The following CFAP97 variants were observed in gnomAD, a reference collection of about 807,000 sequenced individuals.
CFAP97 encodes cilia and flagella associated protein 97.
Under a neutral mutation model 43.1 loss-of-function variants are expected in CFAP97, and 36 were observed. The observed-to-expected ratio is 0.84, with a 90% CI of 0.64 to 1.10. The LOEUF is 1.10. Ranked by LOEUF, CFAP97 falls within the 50% of genes least tolerant of loss-of-function variation. The pLI, the probability that CFAP97 is intolerant of heterozygous loss-of-function variation, is 0.00. For missense variants in CFAP97, 657 were observed against 620.3 expected, an observed-to-expected ratio of 1.06 and a Z score of -0.63; for synonymous variants, 228 against 225.7, an observed-to-expected ratio of 1.01 and a Z score of -0.09.
chr4:185,203,406 C>A (rs562376641), intron 1 of CFAP97, among the ~76,000 whole-genome samples: 1 of 152,298 alleles, frequency 6.6e-6, no homozygotes, highest in South Asian at 2.1e-4. Context: ...TGTAGTTAAA[C>A]AGCACAGTAG....
intron 1 of CFAP97, among the ~76,000 whole-genome samples, chr4:185,203,319 C>T (rs957846163): frequency 2.0e-5 from 3 of 152,230 alleles, no homozygotes; most frequent in Non-Finnish European, 2.9e-5. Context: ...AATGCTTTCA[C>T]CAAACATCAG....
chr4:185,206,458 C>CG (rs1406653867), upstream of CFAP97, among the ~76,000 whole-genome samples: 18 of 147,532 alleles, frequency 1.2e-4, no homozygotes, highest in African/African-American at 4.3e-4. Context: ...ATCCTGAGGT[C>CG]GGGGGGTTGA....
chr4:185,199,880 AAT>A (rs1736747218), intron 1 of CFAP97, among the ~76,000 whole-genome samples: 1 of 152,184 alleles, frequency 6.6e-6, no homozygotes, highest in Non-Finnish European at 1.5e-5. Context: ...CTGGTCACCC[AAT>A]AGCTCTAATG....
At chr4:185,187,762 C>CA (rs1248061718) in intron 2 of CFAP97, among the ~76,000 whole-genome samples, 1 of 151,510 alleles carries the variant, frequency 6.6e-6, no homozygotes, top group Non-Finnish European at 1.5e-5. Flanking sequence ...AGACCAAATG[C>CA]ATCAGAATCC....
chr4:185,190,814 T>G lies in CFAP97; in HGVS notation c.383A>C (p.Glu128Ala), dbSNP rs1461320597. 1.9e-6 allele frequency: 3 copies of G among 1,608,778 alleles called. No homozygotes were observed. In the East Asian group the frequency reaches 6.7e-5, roughly 36 times the overall value. The change falls in exon 2 of 5, where the codon GAA becomes GCA. Residue 128 changes from glutamate to alanine, a missense_variant. By Grantham distance (107) the Glu-to-Ala change is moderately radical. Transcript: ENST00000458385. ...CTCTCCATCTGTGTAGTAATCATCT[T>G]CACCTTCTTTTACAATTTTGGGAAT... ...NRIPKIVKEG[E>A]DDYYTDGEES...
chr4:185,182,391 C>G (rs1222078446), intron 2 of CFAP97: 1 of 152,064 alleles, frequency 6.6e-6, no homozygotes, highest in Non-Finnish European at 1.5e-5. Flanking sequence ...GAAAATTCCC[C>G]AAGTCAGCCA....
chr4:185,180,875 C>T (rs578105433), intron 2 of CFAP97, among the ~76,000 whole-genome samples: 2 of 151,974 alleles, frequency 1.3e-5, no homozygotes, highest in Admixed American at 6.5e-5. Flanking sequence ...CCCCTTAACA[C>T]CCCCCCTAAA....
intron 3 of CFAP97, among the ~76,000 whole-genome samples, chr4:185,168,675 A>G (rs556641059): frequency 1.3e-5 from 2 of 151,922 alleles, no homozygotes; most frequent in Non-Finnish European, 2.9e-5. Flanking sequence ...CGGGCAGATC[A>G]CGAGGTCAGG....
chr4:185,200,381 T>C (rs1435230312), intron 1 of CFAP97, among the ~76,000 whole-genome samples: 2 of 152,222 alleles, frequency 1.3e-5, no homozygotes, highest in African/African-American at 4.8e-5. Context: ...GGCTCACGCC[T>C]ATAATCCCAG....
At chr4:185,195,991 T>C (rs1488313592) in intron 1 of CFAP97, among the ~76,000 whole-genome samples, 1 of 152,198 alleles carries the variant, frequency 6.6e-6, no homozygotes. Context: ...TCTTACTTTG[T>C]TGTGTGGTTA....
chr4:185,198,346 G>A (rs1323056515), intron 1 of CFAP97, among the ~76,000 whole-genome samples: 1 of 151,856 alleles, frequency 6.6e-6, no homozygotes, highest in African/African-American at 2.4e-5. Context: ...GGGAGGCTGA[G>A]GCACAAGAAT....
chr4:185,181,416 C>T (rs1305218721), intron 2 of CFAP97, among the ~76,000 whole-genome samples: 23 of 143,522 alleles, frequency 1.6e-4, no homozygotes, highest in Non-Finnish European at 7.5e-5. Context: ...ATCTCCGCTT[C>T]CCAGGTTCAA....
upstream of CFAP97, chr4:185,204,288 TTAA>T (rs1442474881): frequency 6.6e-6 from 1 of 152,170 alleles, no homozygotes; most frequent in Non-Finnish European, 1.5e-5. Context: ...TTCTCGTGCG[TTAA>T]TAGGGAAAGC....
At chr4:185,178,758 G>A (rs1405702728) in intron 2 of CFAP97, among the ~76,000 whole-genome samples, 2 of 152,180 alleles carry the variant, frequency 1.3e-5, no homozygotes, top group Non-Finnish European at 2.9e-5. Flanking sequence ...CTTAGCACAG[G>A]TGGACCAGCT....
chr4:185,195,724 T>C (rs1354728617), intron 1 of CFAP97, among the ~76,000 whole-genome samples: 4 of 152,140 alleles, frequency 2.6e-5, no homozygotes, highest in Non-Finnish European at 5.9e-5. Flanking sequence ...ATCACAAACG[T>C]AAAGACTATG....
chr4:185,188,159 T>C (rs982504831), intron 2 of CFAP97, among the ~76,000 whole-genome samples: 1 of 151,702 alleles, frequency 6.6e-6, no homozygotes, highest in African/African-American at 2.4e-5. Context: ...CCTCCCAAAG[T>C]GCTGGGACTA....
At chr4:185,186,390 G>A (rs1292750393) in intron 2 of CFAP97, among the ~76,000 whole-genome samples, 4 of 152,042 alleles carry the variant, frequency 2.6e-5, no homozygotes, top group African/African-American at 7.2e-5. Flanking sequence ...CCAAGCTCGC[G>A]CCACTGCACT....
At chr4:185,170,354 T>A (rs529955206) in intron 3 of CFAP97, 1 of 538,158 alleles carries the variant, frequency 1.9e-6, no homozygotes, top group African/African-American at 2.0e-5. Context: ...AATAAATAAA[T>A]AAAATAAAGT....
Position 185,176,111 on chromosome 4 carries a change from T to TTTG in CFAP97, c.1055-61_1055-60insCAA, listed in dbSNP as rs201430524. On this transcript the variant is annotated intron_variant, in intron 2 of 4. Coordinates refer to ENST00000458385, the MANE Select transcript of CFAP97 (RefSeq NM_020827.3). ...CCAAAGTAAGTATGTGGTACATGCT[T>TTTG]TTTTTTTTTTTCTCTTTTTAGACGG... 1.7e-4 allele frequency: 194 copies of TTTG among 1,172,222 alleles called. 1 individual carries two copies. In the African/African-American group the frequency reaches 2.7e-3, roughly 17 times the overall value. The allele number at this position is 1,172,222 out of a possible 1,614,324, so 72.6% of individuals were successfully genotyped here.
Sources: allele counts gnomAD v4.1 joint callset (sites outside exome capture counted in the v4.1 genomes callset), GRCh38; gene constraint gnomAD v4.1.1; transcripts MANE v1.5; gene names NCBI Gene and HGNC (gene_info 2026-07-23, HGNC 2026-07-21).